CAMK2D: variants seen among roughly 807,000 people sequenced by gnomAD.
The protein encoded by CAMK2D is calcium/calmodulin-dependent protein kinase type II subunit delta.
CAMK2D carries 37 observed loss-of-function variants against 84.0 expected under a neutral mutation model. That is an observed-to-expected ratio of 0.44 (90% CI 0.34 to 0.58). The LOEUF is 0.58. Among genes scored for constraint, CAMK2D ranks in the 20% least tolerant of loss-of-function variants. The probability of loss-of-function intolerance (pLI) is 0.02; values close to 1 mark genes in which losing one functional copy is unlikely to be tolerated. For missense variants in CAMK2D, 448 were observed against 652.5 expected (o/e 0.69, Z 3.41); for synonymous variants, 202 against 212.5 (o/e 0.95, Z 0.43).
intron 4 of CAMK2D, among the ~76,000 whole-genome samples, chr4:113,588,103 G>C (rs1196951139): frequency 6.6e-6 from 1 of 152,002 alleles, no homozygotes; most frequent in East Asian, 1.9e-4. Context: ...ATTGAAGAAT[G>C]CAACCACTGA....
At chr4:113,508,309 T>A in intron 13 of CAMK2D, 3 of 1,381,652 alleles carry the variant, frequency 2.2e-6, no homozygotes, top group Non-Finnish European at 3.0e-6. Flanking sequence ...GAAAAAAAAA[T>A]ATGACCGGTT....
chr4:113,657,692 C>T (rs1288022958), intron 3 of CAMK2D, among the ~76,000 whole-genome samples: 1 of 152,042 alleles, frequency 6.6e-6, no homozygotes, highest in African/African-American at 2.4e-5. Context: ...TAATGAATCA[C>T]CATTTTTAGT....
At chr4:113,475,436 A>G (rs2097596456) in intron 16 of CAMK2D, among the ~76,000 whole-genome samples, 1 of 152,234 alleles carries the variant, frequency 6.6e-6, no homozygotes. Flanking sequence ...TATTAAGAGT[A>G]CTCAAAATGT....
At chr4:113,744,016 A>AT (rs1279598405) in intron 2 of CAMK2D, among the ~76,000 whole-genome samples, 2 of 151,600 alleles carry the variant, frequency 1.3e-5, no homozygotes, top group Non-Finnish European at 2.9e-5. Flanking sequence ...AAATTTTTGT[A>AT]TTTTTAGTAG....
intron 4 of CAMK2D, among the ~76,000 whole-genome samples, chr4:113,568,102 C>T (rs181759346): frequency 1.3e-5 from 2 of 152,126 alleles, no homozygotes; most frequent in South Asian, 4.1e-4. Context: ...GCAAAATACA[C>T]ACACGATGAA....
chr4:113,613,171 T>C (rs956776162), intron 3 of CAMK2D, among the ~76,000 whole-genome samples: 45 of 152,186 alleles, frequency 3.0e-4, no homozygotes, highest in African/African-American at 1.1e-3. Context: ...AGTTATATTA[T>C]TTAATATATG....
At chr4:113,630,094 A>G (rs1434335263) in intron 3 of CAMK2D, among the ~76,000 whole-genome samples, 2 of 152,206 alleles carry the variant, frequency 1.3e-5, no homozygotes, top group East Asian at 3.8e-4. Context: ...AAATCACTAT[A>G]CTACAATATC....
At chr4:113,596,268 T>G (rs1243693481) in intron 4 of CAMK2D, among the ~76,000 whole-genome samples, 1 of 152,232 alleles carries the variant, frequency 6.6e-6, no homozygotes, top group African/African-American at 2.4e-5. Context: ...TTTTCACATC[T>G]GCAGTTATAT....
At chr4:113,629,683 T>C (rs189410754) in intron 3 of CAMK2D, among the ~76,000 whole-genome samples, 95 of 151,778 alleles carry the variant, frequency 6.3e-4, no homozygotes, top group Non-Finnish European at 9.4e-4. Context: ...TCATGGCTAG[T>C]AGTGAATTGA....
At chr4:113,496,106 C>G (rs1053042901) in intron 16 of CAMK2D, among the ~76,000 whole-genome samples, 1 of 152,160 alleles carries the variant, frequency 6.6e-6, no homozygotes, top group Non-Finnish European at 1.5e-5. Flanking sequence ...AAAGGACGGT[C>G]TTCACATGTA....
intron 3 of CAMK2D, among the ~76,000 whole-genome samples, chr4:113,648,382 T>C (rs979416886): frequency 6.6e-6 from 1 of 152,222 alleles, no homozygotes; most frequent in Non-Finnish European, 1.5e-5. Context: ...ATGGCCCCCT[T>C]GGTAATATAC....
intron 3 of CAMK2D, among the ~76,000 whole-genome samples, chr4:113,653,495 T>C (rs1450224131): frequency 1.3e-5 from 2 of 152,066 alleles, no homozygotes; most frequent in African/African-American, 4.8e-5. Context: ...GATTACAAAC[T>C]ACTCTAATTT....
At chr4:113,699,985 T>A (rs1334120912) in intron 2 of CAMK2D, among the ~76,000 whole-genome samples, 3 of 152,208 alleles carry the variant, frequency 2.0e-5, no homozygotes, top group Non-Finnish European at 4.4e-5. Context: ...GCATCCTACA[T>A]TCCTGCTTGT....
At chr4:113,731,286 T>C (rs1013395322) in intron 2 of CAMK2D, among the ~76,000 whole-genome samples, 4 of 152,196 alleles carry the variant, frequency 2.6e-5, no homozygotes, top group African/African-American at 4.8e-5. Context: ...TAACTCTGTG[T>C]ATTAGCATTC....
intron 3 of CAMK2D, among the ~76,000 whole-genome samples, chr4:113,615,434 A>G (rs2099017269): frequency 6.6e-6 from 1 of 152,108 alleles, no homozygotes; most frequent in South Asian, 2.1e-4. Context: ...GGCTTTATTT[A>G]TGACAAAGCT....
chr4:113,575,138 G>A (rs1162061496), intron 4 of CAMK2D, among the ~76,000 whole-genome samples: 2 of 152,134 alleles, frequency 1.3e-5, no homozygotes, highest in Non-Finnish European at 2.9e-5. Flanking sequence ...AAGTGAGGGG[G>A]TTTATTCTAC....
chr4:113,754,011 T>C, intron 2 of CAMK2D: 3 of 940,942 alleles, frequency 3.2e-6, no homozygotes, highest in Non-Finnish European at 3.8e-6. Context: ...CCTAACACTG[T>C]CCACTGAAAT....
intron 3 of CAMK2D, among the ~76,000 whole-genome samples, chr4:113,646,147 C>T (rs2099151087): frequency 6.6e-6 from 1 of 152,178 alleles, no homozygotes; most frequent in Non-Finnish European, 1.5e-5. Flanking sequence ...TGCAGATGAA[C>T]TTAAACAAAA....
chr4:113,747,319 T>TAA (rs1554093409), intron 2 of CAMK2D, among the ~76,000 whole-genome samples: 1 of 147,262 alleles, frequency 6.8e-6, no homozygotes. Context: ...TTTTTTTTTT[T>TAA]AAATTCAATA....
Sources: gnomAD v4.1 joint callset for allele counts (sites outside exome capture counted in the v4.1 genomes callset) on GRCh38, gnomAD v4.1.1 for gene constraint, MANE v1.5 for transcripts, NCBI Gene and HGNC (gene_info 2026-07-23, HGNC 2026-07-21) for gene names.